CA10: variants seen among roughly 807,000 people sequenced by gnomAD.
CA10 encodes carbonic anhydrase-related protein 10.
A neutral mutation model predicts 44.2 loss-of-function variants in CA10; 14 were observed. The ratio of observed to expected loss-of-function variants is 0.32; its 90% CI spans 0.21 to 0.50. The LOEUF is 0.50. CA10 is among the 20% of genes least tolerant of loss of function. The pLI is 0.99. For missense variants in CA10, 350 were observed against 409.7 expected (o/e 0.85, Z 1.26); for synonymous variants, 159 against 141.6 (o/e 1.12, Z -0.87).
chr17:51,632,796 T>C (rs1204960122), intron 8 of CA10, among the ~76,000 whole-genome samples: 1 of 152,104 alleles, frequency 6.6e-6, no homozygotes, highest in Non-Finnish European at 1.5e-5. Context: ...GATTAACAGA[T>C]GTTTAGTAGT....
intron 2 of CA10, among the ~76,000 whole-genome samples, chr17:52,065,059 G>A (rs1162523583): frequency 6.6e-6 from 1 of 152,146 alleles, no homozygotes; most frequent in Admixed American, 6.5e-5. Flanking sequence ...CAACCATTTT[G>A]CACTTGTCAC....
rs563987586 is a variant in CA10, at chr17:51,789,644, T to C, written c.280-41826A>G. On this transcript the variant is annotated intron_variant, in intron 3 of 8. Transcript: ENST00000451037. ...TGCCCACTCTTGCCTCCACTCCACC[T>C]GACTAACATATCCTCCCTTCCTTGG... Among the ~76,000 whole-genome samples the C allele has an allele frequency of 2.0e-5, 3 of 152,302 alleles. No individual in the cohort carries two copies. In the South Asian group the frequency reaches 6.2e-4, roughly 32 times the overall value.
intron 1 of CA10, among the ~76,000 whole-genome samples, chr17:52,093,622 C>T (rs1327404427): frequency 2.0e-5 from 3 of 152,096 alleles, no homozygotes; most frequent in Non-Finnish European, 4.4e-5. Flanking sequence ...ACTAAGAGAA[C>T]CATACTTTTG....
chr17:51,960,994 G>A (rs932814962), intron 2 of CA10, among the ~76,000 whole-genome samples: 5 of 152,154 alleles, frequency 3.3e-5, no homozygotes, highest in Admixed American at 6.5e-5. Context: ...GTTGAAAGGC[G>A]TTAAGAGCAG....
chr17:51,866,920 C>T (rs561955256), intron 3 of CA10, among the ~76,000 whole-genome samples: 1 of 147,862 alleles, frequency 6.8e-6, no homozygotes, highest in Admixed American at 6.7e-5. Context: ...ATGGTAAGAA[C>T]AGTTTCTCAG....
intron 1 of CA10, among the ~76,000 whole-genome samples, chr17:52,074,696 A>G (rs1368546041): frequency 6.6e-6 from 1 of 152,176 alleles, no homozygotes; most frequent in African/African-American, 2.4e-5. Flanking sequence ...AATTTAATGT[A>G]GTGCTTTAAC....
intron 2 of CA10, among the ~76,000 whole-genome samples, chr17:51,955,507 C>T (rs1484644733): frequency 2.0e-5 from 3 of 151,868 alleles, no homozygotes; most frequent in Non-Finnish European, 2.9e-5. Context: ...CACTGGCTGC[C>T]CACTCTCTTG....
chr17:51,779,930 C>G (rs1248584935), intron 3 of CA10, among the ~76,000 whole-genome samples: 1 of 152,212 alleles, frequency 6.6e-6, no homozygotes, highest in Non-Finnish European at 1.5e-5. Context: ...CCACCCCTTT[C>G]TGGCTTGGCT....
At chr17:52,101,076 G>C (rs76552040) in intron 1 of CA10, among the ~76,000 whole-genome samples, 74 of 152,140 alleles carry the variant, frequency 4.9e-4, no homozygotes, top group African/African-American at 1.7e-3. Context: ...TTCTAGTCTC[G>C]ACAACCCTGA....
At chr17:51,820,416 C>G (rs867324027) in intron 3 of CA10, among the ~76,000 whole-genome samples, 2,258 of 92,940 alleles carry the variant, frequency 0.024, 207 homozygotes, top group South Asian at 0.035. Context: ...CCCCCCCCCC[C>G]CCGCCCGCCG....
intron 2 of CA10, among the ~76,000 whole-genome samples, chr17:51,961,759 G>A (rs553122230): frequency 2.0e-5 from 3 of 152,252 alleles, no homozygotes; most frequent in East Asian, 3.9e-4. Context: ...GAAATGGGAG[G>A]TAGTGGTCAC....
At chr17:51,688,660 C>A (rs1597986568) in intron 4 of CA10, among the ~76,000 whole-genome samples, 1 of 152,200 alleles carries the variant, frequency 6.6e-6, no homozygotes, top group South Asian at 2.1e-4. Flanking sequence ...GCAGTACCAT[C>A]TTCTATGCCT....
At chr17:52,072,920 A>C (rs926895659) in intron 1 of CA10, among the ~76,000 whole-genome samples, 1 of 152,152 alleles carries the variant, frequency 6.6e-6, no homozygotes, top group Admixed American at 6.6e-5. Context: ...GAGGTTTTTG[A>C]CATCACAGGC....
chr17:51,902,862 T>C (rs1391519812), intron 3 of CA10, among the ~76,000 whole-genome samples: 1 of 152,132 alleles, frequency 6.6e-6, no homozygotes, highest in East Asian at 1.9e-4. Context: ...TAGCTTATAG[T>C]GGGGAAGCAG....
chr17:51,999,444 G>A (rs1985347456), intron 2 of CA10, among the ~76,000 whole-genome samples: 1 of 152,078 alleles, frequency 6.6e-6, no homozygotes, highest in African/African-American at 2.4e-5. Flanking sequence ...GGACTGGAAG[G>A]CAGAAGTAAG....
At chr17:52,133,811 A>G (rs117458813) in intron 1 of CA10, among the ~76,000 whole-genome samples, 2,790 of 152,350 alleles carry the variant, frequency 0.018, 48 homozygotes, top group Middle Eastern at 0.034. Flanking sequence ...TTATATCCCC[A>G]GGACTTAGTA....
chr17:52,013,171 A>G (rs1408703738), intron 2 of CA10, among the ~76,000 whole-genome samples: 1 of 152,076 alleles, frequency 6.6e-6, no homozygotes. Flanking sequence ...AGAGATATCC[A>G]TTGAATAACA....
chr17:51,866,255 T>C (rs1363338713), intron 3 of CA10, among the ~76,000 whole-genome samples: 1 of 152,188 alleles, frequency 6.6e-6, no homozygotes, highest in Non-Finnish European at 1.5e-5. Flanking sequence ...AAATATTCCA[T>C]CCCTTGAGCA....
chr17:52,142,513 T>C (rs1184059809), intron 1 of CA10, among the ~76,000 whole-genome samples: 1 of 152,212 alleles, frequency 6.6e-6, no homozygotes, highest in African/African-American at 2.4e-5. Context: ...GGGGTTATTT[T>C]TTTTGAAAAT....
Sources: allele counts gnomAD v4.1 joint callset (sites outside exome capture counted in the v4.1 genomes callset), GRCh38; gene constraint gnomAD v4.1.1; transcripts MANE v1.5; gene names NCBI Gene and HGNC (gene_info 2026-07-23, HGNC 2026-07-21).